C1QTNF3: variants seen among roughly 807,000 people sequenced by gnomAD.
C1QTNF3 encodes C1q and TNF related 3.
Under a neutral mutation model 32.6 loss-of-function variants are expected in C1QTNF3, and 26 were observed. The ratio of observed to expected loss-of-function variants is 0.80; its 90% confidence interval spans 0.58 to 1.11. The LOEUF is 1.11. C1QTNF3 is among the 50% of genes least tolerant of loss of function. C1QTNF3 has a pLI of 0.00. For synonymous variants in C1QTNF3, 155 were observed against 146.0 expected (o/e 1.06, Z -0.44); for missense variants, 362 against 398.2 (o/e 0.91, Z 0.77).
At chr5:34,195,540 C>T in the C1QTNF3 span, among the ~76,000 whole-genome samples, 1 of 151,956 alleles carries the variant, frequency 6.6e-6, no homozygotes, top group African/African-American at 2.4e-5. Context: ...TGTTTGTGTT[C>T]CCTCAAAATT....
chr5:34,195,894 C>T, the C1QTNF3 span, among the ~76,000 whole-genome samples: 1 of 152,170 alleles, frequency 6.6e-6, no homozygotes, highest in Non-Finnish European at 1.5e-5. Flanking sequence ...GGTGAGGATA[C>T]TGGGAGGCGT....
At chr5:34,121,995 G>A in the C1QTNF3 span, among the ~76,000 whole-genome samples, 1 of 152,118 alleles carries the variant, frequency 6.6e-6, no homozygotes, top group African/African-American at 2.4e-5. Flanking sequence ...AAACTTCCCT[G>A]CCTCTAAAAC....
the C1QTNF3 span, among the ~76,000 whole-genome samples, chr5:34,171,291 T>G: frequency 6.6e-6 from 1 of 151,764 alleles, no homozygotes; most frequent in Non-Finnish European, 1.5e-5. Flanking sequence ...TTTATAAATC[T>G]CAAGTGCAGA....
the C1QTNF3 span, among the ~76,000 whole-genome samples, chr5:34,217,655 G>A: frequency 6.6e-6 from 1 of 152,276 alleles, no homozygotes; most frequent in African/African-American, 2.4e-5. Flanking sequence ...GCTGGGAAAT[G>A]TGGTATTGTG....
At chr5:34,048,289 T>TGAGAGAGAGAGAGAGAGA in the C1QTNF3 span, among the ~76,000 whole-genome samples, 164 of 141,154 alleles carry the variant, frequency 1.2e-3, 1 homozygote, top group East Asian at 2.6e-3. Context: ...TGTGTGTGCA[T>TGAGAGAGAGAGAGAGAGA]GAGAGAGAGA....
chr5:34,071,449 A>G, the C1QTNF3 span, among the ~76,000 whole-genome samples: 1 of 152,162 alleles, frequency 6.6e-6, no homozygotes. Context: ...CATTATTTCC[A>G]TAAACAACCT....
chr5:34,045,748 T>G (rs1315419086), upstream of C1QTNF3, among the ~76,000 whole-genome samples: 1 of 151,976 alleles, frequency 6.6e-6, no homozygotes, highest in African/African-American at 2.4e-5. Context: ...TCTCTGCCAT[T>G]GGCCCATTAT....
chr5:34,177,100 G>T, the C1QTNF3 span, among the ~76,000 whole-genome samples: 1 of 151,998 alleles, frequency 6.6e-6, no homozygotes, highest in Non-Finnish European at 1.5e-5. Context: ...GGCTGAGGAG[G>T]AAGGATCACT....
At chr5:34,187,636 C>T in the C1QTNF3 span, among the ~76,000 whole-genome samples, 25 of 151,402 alleles carry the variant, frequency 1.7e-4, no homozygotes, top group East Asian at 3.1e-3. Context: ...ATAAGATAGG[C>T]GGGAAAGAGT....
chr5:34,056,479 TAGAGAGAGAGAGAGAGAGAGAG>T, the C1QTNF3 span, among the ~76,000 whole-genome samples: 71 of 51,766 alleles, frequency 1.4e-3, no homozygotes, highest in African/African-American at 4.9e-3. Flanking sequence ...TATATATATA[TAGAGAGAGAGAGAGAGAGAGAG>T]AGAGAGAGAG....
the C1QTNF3 span, among the ~76,000 whole-genome samples, chr5:34,109,631 T>C: frequency 1.3e-5 from 2 of 152,232 alleles, no homozygotes; most frequent in East Asian, 3.9e-4. Flanking sequence ...CCAAATTCAG[T>C]TGTTTTCATA....
upstream of C1QTNF3, among the ~76,000 whole-genome samples, chr5:34,046,190 T>G (rs370356156): frequency 1.2e-4 from 18 of 152,362 alleles, no homozygotes; most frequent in African/African-American, 4.3e-4. Context: ...CTATTTTATT[T>G]GCTTTATATC....
At chr5:34,156,010 T>C in the C1QTNF3 span, among the ~76,000 whole-genome samples, 4 of 152,218 alleles carry the variant, frequency 2.6e-5, no homozygotes, top group Admixed American at 1.3e-4. Flanking sequence ...TGTCTCTCCA[T>C]CTCCATGTTG....
chr5:34,205,271 C>G, the C1QTNF3 span, among the ~76,000 whole-genome samples: 5 of 152,146 alleles, frequency 3.3e-5, no homozygotes, highest in Non-Finnish European at 5.9e-5. Flanking sequence ...CTGATGCTTG[C>G]GGGACTAGGT....
the C1QTNF3 span, among the ~76,000 whole-genome samples, chr5:34,174,109 GTGCAGTGGCACCATCTCAGCTCAC>G: frequency 6.6e-6 from 1 of 152,220 alleles, no homozygotes. Flanking sequence ...CCAGGCGGGA[GTGCAGTGGCACCATCTCAGCTCAC>G]TGCAGCCTCC....
the C1QTNF3 span, among the ~76,000 whole-genome samples, chr5:34,128,999 T>C: frequency 6.6e-6 from 1 of 152,080 alleles, no homozygotes. Context: ...CAAATTGTAA[T>C]TCTAACATGT....
the C1QTNF3 span, among the ~76,000 whole-genome samples, chr5:34,183,939 T>C: frequency 2.8e-4 from 43 of 152,330 alleles, no homozygotes; most frequent in African/African-American, 1.0e-3. Context: ...TATGTAATTA[T>C]AACATATAGT....
At chr5:34,140,287 A>T in the C1QTNF3 span, among the ~76,000 whole-genome samples, 3 of 152,240 alleles carry the variant, frequency 2.0e-5, no homozygotes, top group African/African-American at 7.2e-5. Context: ...GTGTGCTTCC[A>T]GTCTGAGCCA....
chr5:34,060,435 T>C, the C1QTNF3 span, among the ~76,000 whole-genome samples: 2 of 152,174 alleles, frequency 1.3e-5, no homozygotes, highest in African/African-American at 2.4e-5. Context: ...TCTAAACATA[T>C]AGAAACACAG....
Sources: allele counts gnomAD v4.1 joint callset (sites outside exome capture counted in the v4.1 genomes callset), GRCh38; gene constraint gnomAD v4.1.1; transcripts MANE v1.5; gene names NCBI Gene and HGNC (gene_info 2026-07-23, HGNC 2026-07-21).